PHC2: variants seen among roughly 807,000 people sequenced by gnomAD.
PHC2 encodes the protein polyhomeotic-like protein 2.
A neutral mutation model predicts 87.4 loss-of-function variants in PHC2; 29 were observed. The ratio of observed to expected loss-of-function variants is 0.33; its 90% CI spans 0.25 to 0.45. The LOEUF is 0.45. Ranked by LOEUF, PHC2 falls within the 20% of genes least tolerant of loss-of-function variation. The probability of loss-of-function intolerance (pLI) is 1.00; values close to 1 mark genes in which losing one functional copy is unlikely to be tolerated. For missense variants in PHC2, 857 were observed against 1,136.7 expected (o/e 0.75, Z 3.54); for synonymous variants, 438 against 461.7 (o/e 0.95, Z 0.66).
chr1:33,379,204 C>T (rs943651970), intron 1 of PHC2, among the ~76,000 whole-genome samples: 2 of 151,604 alleles, frequency 1.3e-5, no homozygotes, highest in Non-Finnish European at 2.9e-5. Flanking sequence ...AGTGCACTTC[C>T]CACACTCTTG....
chr1:33,331,456 T>C lies in PHC2; in HGVS notation c.1898A>G (p.Lys633Arg), dbSNP rs1215174266. ...EMEEPYLQES[K>R]EEGAPLKLKC... ...GAGTTTGAGGGGAGCACCCTCCTCT[T>C]TGGATTCTGAAAAGTATAGAAATGG... is the stretch of plus-strand genomic sequence containing the variant. Residue 633 changes from lysine to arginine, a missense_variant, in exon 12 of 15, where the codon AAA (lysine) becomes AGA (arginine). Coordinates refer to ENST00000683057, the MANE Select transcript of PHC2 (RefSeq NM_001385109.1). This position sits in a 1 kb window ranked among gnomAD's most constrained non-coding sequence, Gnocchi z 5.2. 1.3e-6 allele frequency: 2 copies of C among 1,591,026 alleles called. No homozygotes were observed. The highest frequency in any genetic ancestry group is 1.7e-6 in the Non-Finnish European group (2 of 1,159,858).
intron 1 of PHC2, among the ~76,000 whole-genome samples, chr1:33,412,039 T>C (rs1052789277): frequency 1.3e-5 from 2 of 152,222 alleles, no homozygotes; most frequent in South Asian, 4.2e-4. Flanking sequence ...CCCCCTAAGA[T>C]TGAGAATGGC....
chr1:33,374,931 G>C (rs1648080197), intron 2 of PHC2, among the ~76,000 whole-genome samples: 1 of 152,204 alleles, frequency 6.6e-6, no homozygotes. Context: ...CCGCCACCTG[G>C]AAGGCCTTCT....
chr1:33,378,405 C>T (rs1347107772), intron 1 of PHC2, among the ~76,000 whole-genome samples: 1 of 152,204 alleles, frequency 6.6e-6, no homozygotes, highest in Non-Finnish European at 1.5e-5. Flanking sequence ...CACAGAATCC[C>T]AACATCTTCT....
At chr1:33,397,477 A>G (rs2763039) in intron 1 of PHC2, among the ~76,000 whole-genome samples, 290 of 152,312 alleles carry the variant, frequency 1.9e-3, no homozygotes, top group African/African-American at 6.8e-3. Context: ...TCTTAATTAT[A>G]ATCTTACCCT....
chr1:33,339,533 T>C (rs1378396133), intron 9 of PHC2, among the ~76,000 whole-genome samples: 1 of 152,150 alleles, frequency 6.6e-6, no homozygotes, highest in Non-Finnish European at 1.5e-5. Context: ...CCTGTCCCCT[T>C]TGAAACATTT....
intron 1 of PHC2, among the ~76,000 whole-genome samples, chr1:33,380,710 G>A (rs1363769381): frequency 6.6e-6 from 1 of 152,148 alleles, no homozygotes; most frequent in Non-Finnish European, 1.5e-5. Flanking sequence ...TGGGTCATAT[G>A]TTATTCCATG....
intron 1 of PHC2, among the ~76,000 whole-genome samples, chr1:33,383,363 C>G (rs1181798554): frequency 6.6e-6 from 1 of 152,104 alleles, no homozygotes; most frequent in Non-Finnish European, 1.5e-5. Context: ...TGAAGGCCAA[C>G]AAAAATAGAA....
At chr1:33,391,191 C>A (rs1267166588) in intron 1 of PHC2, among the ~76,000 whole-genome samples, 1 of 152,234 alleles carries the variant, frequency 6.6e-6, no homozygotes, top group African/African-American at 2.4e-5. Context: ...CCCCAGACTT[C>A]TGAGGCTGCT....
intron 1 of PHC2, among the ~76,000 whole-genome samples, chr1:33,416,897 C>T (rs978551389): frequency 4.6e-5 from 7 of 152,000 alleles, no homozygotes; most frequent in African/African-American, 1.7e-4. Context: ...GGTCACGTTT[C>T]CTCATTTTTT....
At chr1:33,351,498 T>A (rs1025300253) in intron 9 of PHC2, among the ~76,000 whole-genome samples, 1 of 152,186 alleles carries the variant, frequency 6.6e-6, no homozygotes, top group Admixed American at 6.5e-5. Context: ...CTCAAATCCA[T>A]CTATGGCATT....
chr1:33,364,878 C>T lies in PHC2; in HGVS notation c.976+2238G>A, dbSNP rs763323876. Among the ~76,000 whole-genome samples the T allele has an allele frequency of 6.6e-6, 1 of 152,224 alleles. No individual in the cohort carries two copies. Among genetic ancestry groups the T allele is most frequent in the Non-Finnish European group, 1.5e-5 (1 of 68,036 alleles). ...AGCCAGGCACTGTTAGCCTTAGGCC[C>T]TCGGGCCTCAAGCCTGTCACCTGCT... On this transcript the variant is annotated intron_variant, in intron 7 of 14. Coordinates refer to ENST00000683057, the MANE Select transcript of PHC2 (RefSeq NM_001385109.1). This position sits in a 1 kb window ranked among gnomAD's most constrained non-coding sequence, Gnocchi z 4.1.
intron 1 of PHC2, among the ~76,000 whole-genome samples, chr1:33,406,668 G>C (rs944494527): frequency 6.6e-6 from 1 of 152,134 alleles, no homozygotes; most frequent in African/African-American, 2.4e-5. Flanking sequence ...TGATGTAATA[G>C]AGGCAAACTC....
At chr1:33,410,990 TC>T (rs1649960768) in intron 1 of PHC2, among the ~76,000 whole-genome samples, 2 of 152,166 alleles carry the variant, frequency 1.3e-5, no homozygotes, top group Non-Finnish European at 2.9e-5. Flanking sequence ...AAGAACCAAG[TC>T]TTTCTTCACC....
intron 1 of PHC2, among the ~76,000 whole-genome samples, chr1:33,388,649 A>G (rs996495175): frequency 1.3e-5 from 2 of 152,154 alleles, no homozygotes; most frequent in African/African-American, 4.8e-5. Flanking sequence ...GTTATTGGGA[A>G]AAGTAAATAA....
intron 9 of PHC2, among the ~76,000 whole-genome samples, chr1:33,340,940 A>T (rs1646733284): frequency 6.6e-6 from 1 of 151,630 alleles, no homozygotes; most frequent in African/African-American, 2.4e-5. Flanking sequence ...GTGGGTAGTG[A>T]TTGTTTTGGA....
intron 9 of PHC2, among the ~76,000 whole-genome samples, chr1:33,341,269 G>C (rs903011701): frequency 6.6e-6 from 1 of 152,254 alleles, no homozygotes; most frequent in African/African-American, 2.4e-5. Context: ...ACCCACACTA[G>C]AACCCAGTGC....
chr1:33,387,231 A>T (rs1648808785), intron 1 of PHC2, among the ~76,000 whole-genome samples: 1 of 152,138 alleles, frequency 6.6e-6, no homozygotes, highest in African/African-American at 2.4e-5. Context: ...ACTTTCATGA[A>T]CACTAGCATT....
At chr1:33,407,128 C>A (rs1354620891) in intron 1 of PHC2, among the ~76,000 whole-genome samples, 1 of 152,138 alleles carries the variant, frequency 6.6e-6, no homozygotes, top group Non-Finnish European at 1.5e-5. Flanking sequence ...TTAAAACAAT[C>A]TGTTACAATA....
Sources: gnomAD v4.1 joint callset for allele counts (sites outside exome capture counted in the v4.1 genomes callset) on GRCh38, gnomAD v4.1.1 for gene constraint, Gnocchi (gnomAD v3.1) non-coding constraint, MANE v1.5 for transcripts, NCBI Gene and HGNC (gene_info 2026-07-23, HGNC 2026-07-21) for gene names.